The following LGALS8 variants were observed in gnomAD, a reference collection of about 807,000 sequenced individuals.
The protein encoded by LGALS8 is galectin-8.
LGALS8 carries 30 observed loss-of-function variants against 35.9 expected under a neutral mutation model. The ratio of observed to expected loss-of-function variants is 0.83; its 90% CI spans 0.62 to 1.13. The LOEUF (loss-of-function observed/expected upper bound fraction) is 1.13, where lower values mean the gene tolerates loss of function less well. Among genes scored for constraint, LGALS8 ranks in the 50% most tolerant of loss-of-function variants. LGALS8 has a pLI of 0.00. For synonymous variants in LGALS8, 138 were observed against 136.1 expected (o/e 1.01, Z -0.10); for missense variants, 366 against 388.7 (o/e 0.94, Z 0.49).
Position 236,550,863 on chromosome 1 carries a change from T to C in LGALS8, c.*2702T>C. On this transcript the variant is annotated 3_prime_UTR_variant, in exon 10 of 10. Transcript: ENST00000366584. ...CAAAAATAAAAATATGAAATATGAGTGTGAACTCTGAGTAGAGTATGAAAC... is the reference window on the plus strand; with the variant it reads ...CAAAAATAAAAATATGAAATATGAGCGTGAACTCTGAGTAGAGTATGAAAC... 6.8e-7 allele frequency: 1 copy of C among 1,466,398 alleles called. No individual in the cohort carries two copies. Among genetic ancestry groups the C allele is most frequent in the Non-Finnish European group, 9.3e-7 (1 of 1,075,430 alleles). The allele number at this position is 1,466,398 out of a possible 1,614,324, so 90.8% of individuals were successfully genotyped here.
Position 236,550,634 on chromosome 1 carries a change from G to C in LGALS8, c.*2473G>C. On this transcript the variant is annotated 3_prime_UTR_variant, in exon 10 of 10. Coordinates refer to ENST00000366584, the MANE Select transcript of LGALS8 (RefSeq NM_201544.4). The stretch of plus-strand genomic sequence containing the variant: ...ATATTATTACCATCAATCAGGAAGA[G>C]AATAATAAATGTTTAAACAAACACA... The C allele has an allele frequency of 5.3e-6, 2 of 380,848 alleles. No homozygotes were observed. The highest frequency in any genetic ancestry group is 9.4e-6 in the Non-Finnish European group (2 of 213,434). 23.6% of individuals were successfully genotyped at this position (380,848 alleles called of 1,614,324 possible).
intron 9 of LGALS8, 56 bp from the exon 10 acceptor site, chr1:236,547,956 A>T: frequency 6.6e-7 from 1 of 1,505,260 alleles, no homozygotes. Flanking sequence ...GCATGTAACA[A>T]ACACAAAATT....
chr1:236,525,985 C>T lies in LGALS8; in HGVS notation c.-86C>T. The T allele has an allele frequency of 9.6e-7, 1 of 1,038,434 alleles. No homozygotes were observed. Among genetic ancestry groups the T allele is most frequent in the Non-Finnish European group, 1.5e-6 (1 of 673,018 alleles). 64.3% of individuals were successfully genotyped at this position (1,038,434 alleles called of 1,614,324 possible). ...TTACACAGGGCCAGTGCCTCAGTTT[C>T]AATCCAGGTAACCTTTAAATGAAAC... is the stretch of plus-strand genomic sequence containing the variant. On this transcript the variant is annotated 5_prime_UTR_variant, in exon 2 of 10. Transcript: ENST00000366584.
At chr1:236,547,266 T>A (rs867879023) in intron 9 of LGALS8, among the ~76,000 whole-genome samples, 35 of 152,214 alleles carry the variant, frequency 2.3e-4, no homozygotes, top group African/African-American at 7.5e-4. Flanking sequence ...GTAAAGGTGA[T>A]GTAAAAGGCT....
Position 236,541,659 on chromosome 1 carries a change from A to G in LGALS8, c.471A>G (p.Leu157=), listed in dbSNP as rs754649496. The change falls in exon 6 of 10, where the codon TTA becomes TTG. Residue 157 remains leucine, a synonymous_variant. Coordinates refer to ENST00000366584, the MANE Select transcript of LGALS8 (RefSeq NM_201544.4). ...TCTTTATTATCTTTTCTCAGGACTTACAAAGTACCCAAGCATCTAGTCTGG... is the reference window on the plus strand; with the variant it reads ...TCTTTATTATCTTTTCTCAGGACTTGCAAAGTACCCAAGCATCTAGTCTGG... The part of the protein sequence containing the change: ...HSIGFSFSSD[L]QSTQASSLEL... 1 of 1,503,004 alleles carries G rather than the reference A, an allele frequency of 6.7e-7. No homozygotes were observed. Among genetic ancestry groups the G allele is most frequent in the Non-Finnish European group, 9.1e-7 (1 of 1,102,746 alleles). 93.1% of individuals were successfully genotyped at this position (1,503,004 alleles called of 1,614,324 possible). A position where few individuals can be genotyped will look rare whatever the true frequency, so the allele number is the denominator to read the frequency against.
chr1:236,527,492 T>C (rs1030081596), intron 2 of LGALS8, among the ~76,000 whole-genome samples: 6 of 152,180 alleles, frequency 3.9e-5, no homozygotes, highest in Non-Finnish European at 7.3e-5. Context: ...AATAGCTTTT[T>C]TTTCTTTCTT....
intron 2 of LGALS8, among the ~76,000 whole-genome samples, chr1:236,529,841 C>T (rs1405392615): frequency 2.6e-5 from 4 of 151,850 alleles, no homozygotes; most frequent in African/African-American, 4.8e-5. Flanking sequence ...TTAGTAGAGA[C>T]GGGGTTTCAC....
chr1:236,551,930 C>T lies in LGALS8; in HGVS notation c.*3769C>T. 9.9e-7 allele frequency: 1 copy of T among 1,014,652 alleles called. No individual in the cohort carries two copies. The highest frequency in any genetic ancestry group is 1.5e-6 in the Non-Finnish European group (1 of 648,976). 62.9% of individuals were successfully genotyped at this position (1,014,652 alleles called of 1,614,324 possible). A position where few individuals can be genotyped will look rare whatever the true frequency, so the allele number is the denominator to read the frequency against. On this transcript the variant is annotated 3_prime_UTR_variant, in exon 10 of 10. Transcript: ENST00000366584. Reference sequence around the variant, plus strand: ...TATCCAAATCTGCATTATCATTGGGCACATTTTCACAGAATTTTACTGAAT... The same window carrying T: ...TATCCAAATCTGCATTATCATTGGGTACATTTTCACAGAATTTTACTGAAT...
Position 236,544,784 on chromosome 1 carries a change from G to A in LGALS8, c.673G>A (p.Asp225Asn). The A allele has an allele frequency of 6.2e-7, 1 of 1,610,348 alleles. No homozygotes were observed. Among genetic ancestry groups the A allele is most frequent in the Non-Finnish European group, 8.5e-7 (1 of 1,178,792 alleles). The change falls in exon 9 of 10, where the codon GAT (aspartate) becomes AAT (asparagine). Residue 225 changes from aspartate (D) to asparagine (N), a missense_variant. Physicochemically the swap from Asp to Asn is conservative, Grantham distance 23 (BLOSUM62 1). Coordinates refer to ENST00000366584, the MANE Select transcript of LGALS8 (RefSeq NM_201544.4). Reference protein sequence around the residue: ...NVDLLAGKSKDIALHLNPRLN... With the variant: ...NVDLLAGKSKNIALHLNPRLN... The stretch of plus-strand genomic sequence containing the variant: ...TGACCTACTAGCAGGAAAATCAAAG[G>A]ATATTGCTCTACACTTGAACCCACG...
In LGALS8 at chr1:236,552,936, G is replaced by A. The variant is rs1424058950; in HGVS notation, c.*4775G>A. 1.2e-4 allele frequency: 19 copies of A among 152,162 alleles called. No homozygotes were observed. The allele number at this position is 152,162 out of a possible 1,614,324, so 9.4% of individuals were successfully genotyped here. A position where few individuals can be genotyped will look rare whatever the true frequency, so the allele number is the denominator to read the frequency against. On this transcript the variant is annotated 3_prime_UTR_variant, in exon 10 of 10. Coordinates refer to ENST00000366584, the MANE Select transcript of LGALS8 (RefSeq NM_201544.4). ...GTTCATCATAATAGTCTCATTGTTAGCATATCCTAATAAAGAATTTGAACT... is the reference window on the plus strand; with the variant it reads ...GTTCATCATAATAGTCTCATTGTTAACATATCCTAATAAAGAATTTGAACT...
In LGALS8 at chr1:236,539,059, CGTGATTATG is replaced by C. The variant is rs749123591; in HGVS notation, c.319_327del (p.Ile107_Val109del). ...TCAAAAGAGAAAAGTCTTTTGAGATCGTGATTATGGTGCTGAAGGACAAATTCCAGGTAG... is the reference window on the plus strand; with the variant it reads ...TCAAAAGAGAAAAGTCTTTTGAGATCGTGCTGAAGGACAAATTCCAGGTAG... On this transcript the variant is annotated inframe_deletion, in exon 4 of 10. Transcript: ENST00000366584. 1 of 1,613,934 alleles carries C rather than the reference CGTGATTATG, an allele frequency of 6.2e-7. No homozygotes were observed. The highest frequency in any genetic ancestry group is 1.1e-5 in the South Asian group (1 of 91,062).
In LGALS8 at chr1:236,552,118, T is replaced by A; in HGVS notation, c.*3957T>A. The A allele has an allele frequency of 6.4e-7, 1 of 1,551,800 alleles. No homozygotes were observed. Among genetic ancestry groups the A allele is most frequent in the Non-Finnish European group, 8.9e-7 (1 of 1,125,108 alleles). ...AGCAGCAAATCGAACCTGAAAGGGA[T>A]AAAAGAGCAAAGAAATAAAAAGTAG... On this transcript the variant is annotated 3_prime_UTR_variant, in exon 10 of 10. Coordinates refer to ENST00000366584, the MANE Select transcript of LGALS8 (RefSeq NM_201544.4).
At chr1:236,520,393 AAC>A (rs1415821271), upstream of LGALS8, among the ~76,000 whole-genome samples, 5 of 151,686 alleles carry the variant, frequency 3.3e-5, no homozygotes, top group East Asian at 1.9e-4. Flanking sequence ...AAAAAAAAAA[AAC>A]AACAGGAGAA....
At chr1:236,528,237 C>A (rs1284743857) in intron 2 of LGALS8, among the ~76,000 whole-genome samples, 1 of 151,798 alleles carries the variant, frequency 6.6e-6, no homozygotes, top group Non-Finnish European at 1.5e-5. Flanking sequence ...CAAAAATTAG[C>A]CAGGCGTGAT....
At position 236,551,302 on chromosome 1, in the gene LGALS8, G is replaced by A; in HGVS notation, c.*3141G>A. The A allele has an allele frequency of 3.2e-6, 1 of 317,322 alleles. No individual in the cohort carries two copies. The highest frequency in any genetic ancestry group is 5.8e-6 in the Non-Finnish European group (1 of 171,980). 19.7% of individuals were successfully genotyped at this position (317,322 alleles called of 1,614,324 possible). A position where few individuals can be genotyped will look rare whatever the true frequency, so the allele number is the denominator to read the frequency against. On this transcript the variant is annotated 3_prime_UTR_variant, in exon 10 of 10. Transcript: ENST00000366584. ...CAAGAGCTAAGAAACAAAGGAGAAT[G>A]TACTTTTGTAGCTTAGATAAGCAAT... is the stretch of plus-strand genomic sequence containing the variant.
At chr1:236,537,118 G>A (rs1661578934) in intron 2 of LGALS8, among the ~76,000 whole-genome samples, 1 of 150,480 alleles carries the variant, frequency 6.6e-6, no homozygotes, top group Admixed American at 6.6e-5. Context: ...CCAGGTTCGT[G>A]CCATTCTCCT....
chr1:236,525,410 T>TA (rs1660760872), intron 1 of LGALS8: 1 of 152,002 alleles, frequency 6.6e-6, no homozygotes, highest in Admixed American at 6.5e-5. Flanking sequence ...ATTAAATTTT[T>TA]TTTTTTTTTT....
At chr1:236,539,142 A>C in intron 4 of LGALS8, 53 bp downstream of exon 4, 3 of 1,423,840 alleles carry the variant, frequency 2.1e-6, no homozygotes, top group Non-Finnish European at 2.0e-6. Flanking sequence ...AGGAGTGCAC[A>C]GGGGTGCTTT....
chr1:236,535,257 ATTG>A (rs556124013), intron 2 of LGALS8, among the ~76,000 whole-genome samples: 124 of 151,802 alleles, frequency 8.2e-4, no homozygotes, highest in African/African-American at 2.7e-3. Flanking sequence ...CATGAAAACT[ATTG>A]TTATCATTTT....
Sources: gnomAD v4.1 joint callset for allele counts (sites outside exome capture counted in the v4.1 genomes callset) on GRCh38, gnomAD v4.1.1 for gene constraint, MANE v1.5 for transcripts, NCBI Gene and HGNC (gene_info 2026-07-23, HGNC 2026-07-21) for gene names.